DYNC2I1: variants seen among roughly 807,000 people sequenced by gnomAD.
DYNC2I1 encodes dynein 2 intermediate chain 1, also known as cytoplasmic dynein 2 intermediate chain 1.
A neutral mutation model predicts 133.4 loss-of-function variants in DYNC2I1; 89 were observed. The observed-to-expected ratio is 0.67, with a 90% CI of 0.56 to 0.80. The LOEUF (loss-of-function observed/expected upper bound fraction) is 0.80. DYNC2I1 is among the 30% of genes least tolerant of loss of function. DYNC2I1 has a pLI of 0.00. For synonymous variants in DYNC2I1, 504 were observed against 484.3 expected, an observed-to-expected ratio of 1.04 and a Z score of -0.54; for missense variants, 1,291 against 1,314.5, an observed-to-expected ratio of 0.98 and a Z score of 0.28.
intron 4 of DYNC2I1, 76 bp downstream of exon 4, chr7:158,876,767 A>G (rs1331261958): frequency 2.1e-6 from 3 of 1,459,938 alleles, no homozygotes; most frequent in East Asian, 2.6e-5. Context: ...TATTGTTGGA[A>G]GCATTTTTAG....
intron 4 of DYNC2I1, among the ~76,000 whole-genome samples, chr7:158,954,903 C>T (rs1464620615): frequency 3.3e-5 from 5 of 151,022 alleles, no homozygotes; most frequent in Non-Finnish European, 7.4e-5. Context: ...CACACCCCCA[C>T]CATGCCCCGT....
chr7:158,860,613 A>G (rs531542238), intron 1 of DYNC2I1, among the ~76,000 whole-genome samples: 3 of 152,342 alleles, frequency 2.0e-5, no homozygotes, highest in African/African-American at 4.8e-5. Context: ...CTTGTTTACA[A>G]TGTGTATGAC....
chr7:158,893,038 C>T (rs1252065687), intron 8 of DYNC2I1, among the ~76,000 whole-genome samples: 1 of 152,036 alleles, frequency 6.6e-6, no homozygotes, highest in East Asian at 1.9e-4. Context: ...ATGTACCCTA[C>T]CAGAGTGGTG....
At chr7:158,921,635 G>A (rs188937823) in intron 15 of DYNC2I1, among the ~76,000 whole-genome samples, 24 of 152,284 alleles carry the variant, frequency 1.6e-4, no homozygotes, top group Admixed American at 3.3e-4. Context: ...TGGAGGGGAC[G>A]TTGTGACCCA....
chr7:158,952,561 A>G (rs1852084273), intron 4 of DYNC2I1, among the ~76,000 whole-genome samples: 1 of 84,950 alleles, frequency 1.2e-5, no homozygotes, highest in Non-Finnish European at 2.8e-5. Flanking sequence ...AGTAAACTAG[A>G]TACTTAAAAA....
intron 20 of DYNC2I1, among the ~76,000 whole-genome samples, chr7:158,927,394 C>G (rs1046117016): frequency 7.6e-6 from 1 of 131,936 alleles, no homozygotes; most frequent in Non-Finnish European, 1.6e-5. Context: ...TGGAATGAGA[C>G]CTTGTCTCTC....
At chr7:158,902,271 A>C in intron 9 of DYNC2I1, 105 bp from the exon 10 acceptor site, 2 of 907,248 alleles carry the variant, frequency 2.2e-6, no homozygotes, top group Admixed American at 5.6e-5. Context: ...TGTAATAAGG[A>C]CATTGTCTGT....
chr7:158,899,314 C>T (rs1390185623), intron 8 of DYNC2I1, among the ~76,000 whole-genome samples: 2 of 152,134 alleles, frequency 1.3e-5, no homozygotes, highest in Non-Finnish European at 2.9e-5. Flanking sequence ...GGAGGGCTAA[C>T]TATGCATATG....
intron 20 of DYNC2I1, among the ~76,000 whole-genome samples, chr7:158,929,550 G>T (rs890042033): frequency 6.6e-6 from 1 of 152,224 alleles, no homozygotes; most frequent in Non-Finnish European, 1.5e-5. Flanking sequence ...GACGCCAGGT[G>T]GGGGGCATGC....
chr7:158,942,194 C>A, intron 24 of DYNC2I1, 46 bp downstream of exon 24: 2 of 1,449,422 alleles, frequency 1.4e-6, no homozygotes, highest in Middle Eastern at 1.9e-4. Context: ...GGGGGGGCTT[C>A]GGCCACGGGT....
intron 12 of DYNC2I1, 132 bp from the exon 13 acceptor site, chr7:158,912,853 T>G: frequency 1.6e-6 from 1 of 632,666 alleles, no homozygotes; most frequent in South Asian, 2.0e-5. Flanking sequence ...TAAGCACAGG[T>G]TGTCTTTGCA....
chr7:158,871,475 C>T lies in DYNC2I1; in HGVS notation c.403C>T (p.Arg135Trp), dbSNP rs747191405. The T allele has an allele frequency of 7.3e-5, 113 of 1,548,722 alleles. No individual in the cohort carries two copies. The East Asian group carries it at 2.1e-3, about 29-fold the overall frequency. Reference sequence around the variant, plus strand: ...CAGAAGGGCCCGGAAGGAAGAGCTCCGGCAGACCGTGGCCCACCACAACCT... The same window carrying T: ...CAGAAGGGCCCGGAAGGAAGAGCTCTGGCAGACCGTGGCCCACCACAACCT... ...KDRRARKEEL[R>W]QTVAHHNLLG... is the part of the protein sequence containing the mutation. Residue 135 changes from arginine (R) to tryptophan (W), a missense_variant, in exon 3 of 25, where the codon CGG becomes TGG. Transcript: ENST00000407559.
intron 15 of DYNC2I1, among the ~76,000 whole-genome samples, chr7:158,921,515 C>T (rs1849089477): frequency 6.6e-6 from 1 of 152,134 alleles, no homozygotes; most frequent in Non-Finnish European, 1.5e-5. Context: ...CTAAAAACAA[C>T]TATTAAATAC....
chr7:158,854,028 G>C (rs1841113521), upstream of DYNC2I1, among the ~76,000 whole-genome samples: 2 of 150,398 alleles, frequency 1.3e-5, no homozygotes, highest in South Asian at 2.1e-4. Context: ...AGTGGGTGGG[G>C]GGGCGTTGAG....
At chr7:158,917,529 A>G (rs551019779) in intron 14 of DYNC2I1, among the ~76,000 whole-genome samples, 10 of 117,658 alleles carry the variant, frequency 8.5e-5, no homozygotes, top group African/African-American at 3.7e-4. Context: ...GCCTCTCACT[A>G]AACACCTCCT....
chr7:158,956,328 C>T (rs1266711569), intron 4 of DYNC2I1, among the ~76,000 whole-genome samples: 2 of 152,236 alleles, frequency 1.3e-5, no homozygotes, highest in African/African-American at 4.8e-5. Context: ...CGTCTGGGAG[C>T]AGCTGTCCTC....
At chr7:158,879,315 C>T (rs1234244486) in intron 4 of DYNC2I1, among the ~76,000 whole-genome samples, 1 of 152,052 alleles carries the variant, frequency 6.6e-6, no homozygotes, top group Non-Finnish European at 1.5e-5. Flanking sequence ...GCACAGTCGT[C>T]CCTTGGTATC....
At position 158,945,104 on chromosome 7, in the gene DYNC2I1, G is replaced by C. The variant is rs915537151; in HGVS notation, c.3003-477G>C. Among the ~76,000 whole-genome samples, 3 of 152,170 alleles carry C rather than the reference G, an allele frequency of 2.0e-5. No homozygotes were observed. The highest frequency in any genetic ancestry group is 4.8e-5 in the African/African-American group (2 of 41,450). On this transcript the variant is annotated intron_variant, in intron 24 of 24. Coordinates refer to ENST00000407559, the MANE Select transcript of DYNC2I1 (RefSeq NM_018051.5). The surrounding 1 kb of genome is among the most constrained non-coding windows in gnomAD (Gnocchi z 4.1). ...AGGGTGGCCACAGGTCTCGTGTTGGGCACTGGGTGGATGATGGAGGTGCTG... is the reference window on the plus strand; with the variant it reads ...AGGGTGGCCACAGGTCTCGTGTTGGCCACTGGGTGGATGATGGAGGTGCTG...
At chr7:158,950,990 A>T (rs1021382684), downstream of DYNC2I1, among the ~76,000 whole-genome samples, 3 of 152,100 alleles carry the variant, frequency 2.0e-5, no homozygotes, top group Admixed American at 6.6e-5. Flanking sequence ...CCTATATATG[A>T]TTCCAGTTGT....
Sources: gnomAD v4.1 joint callset for allele counts (sites outside exome capture counted in the v4.1 genomes callset) on GRCh38, gnomAD v4.1.1 for gene constraint, Gnocchi (gnomAD v3.1) non-coding constraint, MANE v1.5 for transcripts, NCBI Gene and HGNC (gene_info 2026-07-23, HGNC 2026-07-21) for gene names.